The following RAPGEF6 variants were observed in gnomAD, a reference collection of about 807,000 sequenced individuals.
The protein encoded by RAPGEF6 is PDZ domain containing guanine nucleotide exchange factor (GEF) 2.
A neutral mutation model predicts 171.4 loss-of-function variants in RAPGEF6; 56 were observed. That is an observed-to-expected ratio of 0.33 (90% CI 0.26 to 0.41). The LOEUF (loss-of-function observed/expected upper bound fraction) is 0.41, where lower values mean the gene tolerates loss of function less well. Ranked by LOEUF, RAPGEF6 falls within the 10% of genes least tolerant of loss-of-function variation. RAPGEF6 has a pLI of 1.00. For missense variants in RAPGEF6, 1,674 were observed against 1,921.4 expected (o/e 0.87, Z 2.41); for synonymous variants, 692 against 650.1 (o/e 1.06, Z -0.98).
At chr5:131,597,272 C>T (rs568875122) in intron 3 of RAPGEF6, among the ~76,000 whole-genome samples, 5 of 146,290 alleles carry the variant, frequency 3.4e-5, no homozygotes, top group Non-Finnish European at 6.0e-5. Flanking sequence ...TTGGTGGGAA[C>T]GTAAATTAGT....
rs757805523 is a variant in RAPGEF6 at position 131,462,127 on chromosome 5, A to G, written c.2481-39T>C. On this transcript the variant is annotated intron_variant, in intron 18 of 27. Coordinates refer to ENST00000509018, the MANE Select transcript of RAPGEF6 (RefSeq NM_016340.6). Reference sequence around the variant, plus strand: ...TTTTTTTAAATAAATGTATTCATAAATATGATTAAATAAGAGCACTTTTCC... The same window carrying G: ...TTTTTTTAAATAAATGTATTCATAAGTATGATTAAATAAGAGCACTTTTCC... 6.0e-6 allele frequency: 8 copies of G among 1,323,154 alleles called. No individual in the cohort carries two copies. In the South Asian group the frequency reaches 1.6e-4, roughly 27 times the overall value. 82.0% of individuals were successfully genotyped at this position (1,323,154 alleles called of 1,614,324 possible). A position where few individuals can be genotyped will look rare whatever the true frequency, so the allele number is the denominator to read the frequency against.
intron 4 of RAPGEF6, among the ~76,000 whole-genome samples, chr5:131,591,419 C>T (rs1264738489): frequency 6.6e-6 from 1 of 152,120 alleles, no homozygotes; most frequent in Non-Finnish European, 1.5e-5. Flanking sequence ...GTTCTAAGAG[C>T]TTTATGTAGA....
chr5:131,442,672 G>C, intron 22 of RAPGEF6, 135 bp from the exon 23 acceptor site: 1 of 1,356,166 alleles, frequency 7.4e-7, no homozygotes, highest in African/African-American at 1.5e-5. Flanking sequence ...TTCTTAGCAG[G>C]AATTTCAGTT....
chr5:131,470,267 G>C (rs953472675), intron 17 of RAPGEF6, among the ~76,000 whole-genome samples: 3 of 152,126 alleles, frequency 2.0e-5, no homozygotes, highest in Admixed American at 6.5e-5. Flanking sequence ...TTTTAAAAAG[G>C]CATCTTTATC....
Position 131,492,573 on chromosome 5 carries a change from T to A in RAPGEF6, c.1731+9A>T. The A allele has an allele frequency of 6.2e-7, 1 of 1,613,840 alleles. No individual in the cohort carries two copies. ...AGGCTTGAATATAAGTGGTTGGTTA[T>A]TTCCTTACCTGATCACCACGTTTCA... is the stretch of plus-strand genomic sequence containing the variant. On this transcript the variant is annotated intron_variant, in intron 14 of 27. Coordinates refer to ENST00000509018, the MANE Select transcript of RAPGEF6 (RefSeq NM_016340.6).
chr5:131,498,382 T>C (rs940046933), intron 12 of RAPGEF6, 61 bp downstream of exon 12: 1 of 1,461,802 alleles, frequency 6.8e-7, no homozygotes. Context: ...CTATCAACTA[T>C]AAAAGTTTCA....
At chr5:131,452,176 C>T (rs1010717275) in intron 21 of RAPGEF6, among the ~76,000 whole-genome samples, 5 of 150,662 alleles carry the variant, frequency 3.3e-5, no homozygotes, top group African/African-American at 4.9e-5. Context: ...GCCGAGATTG[C>T]GCCTCTGCAC....
At chr5:131,528,455 G>A (rs995405259) in intron 6 of RAPGEF6, among the ~76,000 whole-genome samples, 14 of 149,188 alleles carry the variant, frequency 9.4e-5, no homozygotes, top group African/African-American at 3.2e-4. Flanking sequence ...TCACAGCACT[G>A]TGCCTGAGGT....
At chr5:131,553,326 T>G (rs2149956132) in intron 5 of RAPGEF6, among the ~76,000 whole-genome samples, 1 of 152,324 alleles carries the variant, frequency 6.6e-6, no homozygotes, top group South Asian at 2.1e-4. Flanking sequence ...AGTAGAAATG[T>G]GTTCATCTCT....
chr5:131,603,246 T>C (rs763683610), intron 3 of RAPGEF6, 25 bp downstream of exon 3: 4 of 1,524,566 alleles, frequency 2.6e-6, no homozygotes, highest in Admixed American at 1.9e-5. Context: ...AGTCATTAGT[T>C]TATGTGAATT....
chr5:131,552,495 G>A (rs1454995164), intron 5 of RAPGEF6, among the ~76,000 whole-genome samples: 2 of 130,704 alleles, frequency 1.5e-5, no homozygotes, highest in African/African-American at 2.9e-5. Flanking sequence ...CGTTTTTCTT[G>A]TGTCACCCAG....
At chr5:131,630,609 T>A (rs557812866) in intron 1 of RAPGEF6, among the ~76,000 whole-genome samples, 83 of 152,346 alleles carry the variant, frequency 5.4e-4, no homozygotes, top group African/African-American at 1.9e-3. Flanking sequence ...AAGCTGAATC[T>A]ATAAGTAGGA....
intron 25 of RAPGEF6, among the ~76,000 whole-genome samples, chr5:131,433,158 T>C (rs1561460100): frequency 6.6e-6 from 1 of 152,190 alleles, no homozygotes; most frequent in Non-Finnish European, 1.5e-5. Flanking sequence ...CCTATATAAG[T>C]AGCAGATGCA....
chr5:131,547,005 A>G (rs1760591267), intron 6 of RAPGEF6, among the ~76,000 whole-genome samples: 1 of 152,238 alleles, frequency 6.6e-6, no homozygotes, highest in Non-Finnish European at 1.5e-5. Context: ...TTACAATACA[A>G]AAACAGAAAT....
Position 131,442,443 on chromosome 5 carries a change from C to T in RAPGEF6, c.3516G>A (p.Leu1172=). 2.5e-6 allele frequency: 4 copies of T among 1,614,148 alleles called. No homozygotes were observed. Among genetic ancestry groups the T allele is most frequent in the Non-Finnish European group, 3.4e-6 (4 of 1,180,022 alleles). ...RSAGQTTKAH[L]HQPHRVSQVL... is the part of the protein sequence containing the mutation. Reference sequence around the variant, plus strand: ...CCTGGCTTACTCTGTGGGGTTGATGCAAGTGGGCTTTAGTTGTTTGGCCAG... The same window carrying T: ...CCTGGCTTACTCTGTGGGGTTGATGTAAGTGGGCTTTAGTTGTTTGGCCAG... Residue 1172 remains leucine (L), a synonymous_variant, in exon 23 of 28, where the codon TTG becomes TTA. Coordinates refer to ENST00000509018, the MANE Select transcript of RAPGEF6 (RefSeq NM_016340.6).
chr5:131,625,265 AAAAC>A (rs926772950), intron 1 of RAPGEF6, among the ~76,000 whole-genome samples: 9 of 152,152 alleles, frequency 5.9e-5, no homozygotes, highest in Admixed American at 3.3e-4. Flanking sequence ...TCCGTCTCAA[AAAAC>A]AAACAAACAA....
chr5:131,630,172 C>T (rs1168095086), intron 1 of RAPGEF6, among the ~76,000 whole-genome samples: 1 of 152,230 alleles, frequency 6.6e-6, no homozygotes, highest in African/African-American at 2.4e-5. Context: ...TCTTCGGCAA[C>T]TACCACCCTG....
chr5:131,595,090 G>A (rs1363400792), intron 3 of RAPGEF6, among the ~76,000 whole-genome samples: 1 of 152,068 alleles, frequency 6.6e-6, no homozygotes, highest in Non-Finnish European at 1.5e-5. Flanking sequence ...GGCCAGTGGT[G>A]GAATAATATG....
chr5:131,431,445 C>T (rs756839705), intron 25 of RAPGEF6, 96 bp from the exon 26 acceptor site: 65 of 1,350,864 alleles, frequency 4.8e-5, no homozygotes, highest in Non-Finnish European at 5.9e-5. Context: ...CTACAGAGCA[C>T]GTACCACAAG....
Sources: allele counts gnomAD v4.1 joint callset (sites outside exome capture counted in the v4.1 genomes callset), GRCh38; gene constraint gnomAD v4.1.1; transcripts MANE v1.5; gene names NCBI Gene and HGNC (gene_info 2026-07-23, HGNC 2026-07-21).